The following SLC4A10 variants were observed in gnomAD, a reference collection of about 807,000 sequenced individuals.
The protein encoded by SLC4A10 is sodium-driven chloride bicarbonate exchanger.
In SLC4A10, 42 loss-of-function variants were observed where a neutral mutation model predicts 137.7. That is an observed-to-expected ratio of 0.30 (90% CI 0.24 to 0.39). The LOEUF (loss-of-function observed/expected upper bound fraction) is 0.39, where lower values mean the gene tolerates loss of function less well. Among genes scored for constraint, SLC4A10 ranks in the 10% least tolerant of loss-of-function variants. The pLI is 1.00. For synonymous variants in SLC4A10, 474 were observed against 464.1 expected (o/e 1.02, Z -0.27); for missense variants, 925 against 1,355.0 (o/e 0.68, Z 4.98).
intron 3 of SLC4A10, among the ~76,000 whole-genome samples, chr2:161,827,864 C>T (rs553326955): frequency 1.5e-3 from 225 of 152,270 alleles, no homozygotes; most frequent in African/African-American, 5.1e-3. Context: ...CGCGCCCGGC[C>T]AATATTTATG....
At chr2:161,704,382 T>A (rs1379711956) in intron 1 of SLC4A10, among the ~76,000 whole-genome samples, 2 of 151,656 alleles carry the variant, frequency 1.3e-5, no homozygotes, top group East Asian at 3.9e-4. Context: ...GAAAGTAGAT[T>A]TGAACATTTT....
At chr2:161,762,867 C>T (rs903494736) in intron 1 of SLC4A10, among the ~76,000 whole-genome samples, 1 of 151,930 alleles carries the variant, frequency 6.6e-6, no homozygotes, top group Non-Finnish European at 1.5e-5. Flanking sequence ...ACTTAAAAAA[C>T]TAGCTCTTAG....
At chr2:161,700,885 T>C (rs1574440256) in intron 1 of SLC4A10, among the ~76,000 whole-genome samples, 3 of 152,256 alleles carry the variant, frequency 2.0e-5, no homozygotes, top group Admixed American at 6.5e-5. Flanking sequence ...CAGCCATGTA[T>C]TTTGTGTCTG....
At chr2:161,684,004 A>G (rs1372790039) in intron 1 of SLC4A10, among the ~76,000 whole-genome samples, 1 of 152,152 alleles carries the variant, frequency 6.6e-6, no homozygotes, top group African/African-American at 2.4e-5. Context: ...CCATCATCCT[A>G]TACTGAAACT....
intron 10 of SLC4A10, among the ~76,000 whole-genome samples, chr2:161,883,955 G>A (rs1247327097): frequency 6.6e-6 from 1 of 151,976 alleles, no homozygotes; most frequent in Admixed American, 6.6e-5. Context: ...TTCAAATAAG[G>A]CCACATTCTG....
At chr2:161,770,177 A>C (rs750701963) in intron 1 of SLC4A10, among the ~76,000 whole-genome samples, 2 of 151,892 alleles carry the variant, frequency 1.3e-5, no homozygotes, top group African/African-American at 2.4e-5. Context: ...GTGCACAGCT[A>C]GATAAAAGTT....
At chr2:161,716,692 T>C (rs1363721727) in intron 1 of SLC4A10, among the ~76,000 whole-genome samples, 1 of 152,198 alleles carries the variant, frequency 6.6e-6, no homozygotes, top group African/African-American at 2.4e-5. Context: ...AATACCATGC[T>C]GCTTTGGTTA....
intron 1 of SLC4A10, among the ~76,000 whole-genome samples, chr2:161,627,799 A>G (rs1462702801): frequency 6.6e-6 from 1 of 152,090 alleles, no homozygotes; most frequent in African/African-American, 2.4e-5. Flanking sequence ...GAAGTTACAG[A>G]AAAAGTGTGT....
At chr2:161,690,835 G>A (rs1235070852) in intron 1 of SLC4A10, among the ~76,000 whole-genome samples, 4 of 151,964 alleles carry the variant, frequency 2.6e-5, no homozygotes, top group Non-Finnish European at 4.4e-5. Context: ...GCTAATACAT[G>A]CTGGGCTTAA....
At chr2:161,813,653 G>T (rs2056768865) in intron 3 of SLC4A10, among the ~76,000 whole-genome samples, 1 of 152,088 alleles carries the variant, frequency 6.6e-6, no homozygotes, top group Non-Finnish European at 1.5e-5. Flanking sequence ...TATCTGTAGG[G>T]CTATGCGCTA....
intron 8 of SLC4A10, among the ~76,000 whole-genome samples, chr2:161,874,762 C>A (rs2061360848): frequency 6.6e-6 from 1 of 152,154 alleles, no homozygotes; most frequent in African/African-American, 2.4e-5. Flanking sequence ...ATCTTGAATC[C>A]CAACTCTGGC....
At chr2:161,645,435 A>G (rs985413430) in intron 1 of SLC4A10, among the ~76,000 whole-genome samples, 1 of 152,054 alleles carries the variant, frequency 6.6e-6, no homozygotes, top group African/African-American at 2.4e-5. Context: ...ACAGAGAGAA[A>G]TGTACAGAAA....
Position 161,900,893 on chromosome 2 carries a change from AC to A in SLC4A10, c.1342-17del. On this transcript the variant is annotated splice_polypyrimidine_tract_variant and intron_variant, in intron 11 of 26. Coordinates refer to ENST00000446997, the MANE Select transcript of SLC4A10 (RefSeq NM_001178015.2). ...AATTAAAACAAAACAAAACACATGA[AC>A]AAAAAACTCTCCACAGGAGAAGAGG... is the stretch of plus-strand genomic sequence containing the variant. 6.7e-7 allele frequency: 1 copy of A among 1,502,526 alleles called. No individual in the cohort carries two copies. The highest frequency in any genetic ancestry group is 8.9e-7 in the Non-Finnish European group (1 of 1,121,798). 93.1% of individuals were successfully genotyped at this position (1,502,526 alleles called of 1,614,324 possible).
chr2:161,902,660 A>T (rs1479047062), intron 12 of SLC4A10, among the ~76,000 whole-genome samples: 1 of 152,170 alleles, frequency 6.6e-6, no homozygotes, highest in African/African-American at 2.4e-5. Context: ...AATCACAGGA[A>T]AATATAGTGA....
At chr2:161,787,336 TAA>T (rs1451730356) in intron 2 of SLC4A10, among the ~76,000 whole-genome samples, 1 of 152,170 alleles carries the variant, frequency 6.6e-6, no homozygotes, top group Non-Finnish European at 1.5e-5. Flanking sequence ...CTGTTCTCTC[TAA>T]CTCTCTTTAA....
chr2:161,913,350 A>C (rs1038246022), intron 15 of SLC4A10, among the ~76,000 whole-genome samples: 23 of 152,284 alleles, frequency 1.5e-4, no homozygotes, highest in Non-Finnish European at 2.9e-4. Flanking sequence ...CATAATAAAA[A>C]GTTCTTCCAA....
chr2:161,939,111 C>G (rs1252256729), intron 15 of SLC4A10, among the ~76,000 whole-genome samples: 1 of 152,092 alleles, frequency 6.6e-6, no homozygotes, highest in East Asian at 1.9e-4. Context: ...CAGTCTCGCT[C>G]TGTCGCCAGG....
At chr2:161,720,146 T>A (rs893453356) in intron 1 of SLC4A10, among the ~76,000 whole-genome samples, 2 of 152,244 alleles carry the variant, frequency 1.3e-5, no homozygotes, top group Non-Finnish European at 2.9e-5. Flanking sequence ...ATTTATTAAA[T>A]AGGGAATCCT....
intron 1 of SLC4A10, among the ~76,000 whole-genome samples, chr2:161,702,266 G>C (rs2043201909): frequency 6.6e-6 from 1 of 151,856 alleles, no homozygotes; most frequent in Admixed American, 6.6e-5. Context: ...GATGAAACTG[G>C]AGGTCATTAT....
Sources: allele counts gnomAD v4.1 joint callset (sites outside exome capture counted in the v4.1 genomes callset), GRCh38; gene constraint gnomAD v4.1.1; transcripts MANE v1.5; gene names NCBI Gene and HGNC (gene_info 2026-07-23, HGNC 2026-07-21).